Variants in WDR93 observed in about 807,000 individuals in gnomAD.
WDR93 encodes WD repeat-containing protein 93.
In WDR93, 73 loss-of-function variants were observed where a neutral mutation model predicts 82.9. The ratio of observed to expected loss-of-function variants is 0.88; its 90% CI spans 0.73 to 1.07. The LOEUF is 1.07. Among genes scored for constraint, WDR93 ranks in the 50% least tolerant of loss-of-function variants. The pLI is 0.00. For synonymous variants in WDR93, 283 were observed against 300.1 expected (o/e 0.94, Z 0.59); for missense variants, 738 against 826.0 (o/e 0.89, Z 1.31).
intron 8 of WDR93, among the ~76,000 whole-genome samples, 155 bp from the exon 9 acceptor site, chr15:89,727,002 C>T (rs1282387242): frequency 2.6e-5 from 4 of 152,008 alleles, no homozygotes; most frequent in Admixed American, 6.6e-5. Context: ...CAGGAGAGGC[C>T]GGGAGAAGAC....
intron 4 of WDR93, among the ~76,000 whole-genome samples, chr15:89,710,876 C>T (rs1965944899): frequency 6.6e-6 from 1 of 152,058 alleles, no homozygotes; most frequent in South Asian, 2.1e-4. Flanking sequence ...ATATGGGCAA[C>T]CAATTTCAAG....
At position 89,737,646 on chromosome 15, in the gene WDR93, C is replaced by A. The variant is rs761795920; in HGVS notation, c.1682C>A (p.Ala561Asp). ...VAKREIICAF[A>D]PPGAFPLEVP... ...AAGCGTGAAATCATCTGTGCCTTTGCCCCTCCGGGAGCCTTTCCTCTGGAG... is the reference window on the plus strand; with the variant it reads ...AAGCGTGAAATCATCTGTGCCTTTGACCCTCCGGGAGCCTTTCCTCTGGAG... Residue 561 changes from alanine (A) to aspartate (D), a missense_variant, in exon 15 of 17, where the codon GCC becomes GAC. Ala to Asp is a moderately radical substitution (Grantham distance 126). Transcript: ENST00000268130. 6.2e-7 allele frequency: 1 copy of A among 1,614,072 alleles called. No homozygotes were observed. Among genetic ancestry groups the A allele is most frequent in the Admixed American group, 1.7e-5 (1 of 60,004 alleles).
At chr15:89,739,280 T>C (rs1162896886) in intron 16 of WDR93, among the ~76,000 whole-genome samples, 2 of 152,220 alleles carry the variant, frequency 1.3e-5, no homozygotes, top group African/African-American at 4.8e-5. Flanking sequence ...CTATGGCTAC[T>C]GTATGCTATG....
intron 1 of WDR93, among the ~76,000 whole-genome samples, chr15:89,696,350 G>A (rs534987363): frequency 6.6e-6 from 1 of 152,236 alleles, no homozygotes; most frequent in African/African-American, 2.4e-5. Context: ...CTATTATATG[G>A]ATATACCACA....
intron 1 of WDR93, among the ~76,000 whole-genome samples, chr15:89,698,291 T>TGTTA (rs1247817742): frequency 6.6e-6 from 1 of 152,212 alleles, no homozygotes; most frequent in African/African-American, 2.4e-5. Flanking sequence ...TTCTGATTAG[T>TGTTA]GTTAGCATAG....
Position 89,727,241 on chromosome 15 carries a change from AG to A in WDR93, c.967del (p.Asp323ThrfsTer19), listed in dbSNP as rs1233265172. ...GLGSGQNHFI[K>X]DSQWEQQAEI... ...GGCTCCGGGCAGAATCATTTCATCA[AG>A]GACAGTCAGTGGGAGCAGCAAGCTG... On this transcript the variant is annotated frameshift_variant, in exon 9 of 17. Transcript: ENST00000268130. LOFTEE classifies it high-confidence loss of function. The A allele has an allele frequency of 3.1e-6, 5 of 1,614,214 alleles. No homozygotes were observed. The South Asian group carries it at 3.3e-5, about 11-fold the overall frequency.
chr15:89,737,790 A>G, intron 15 of WDR93, 61 bp downstream of exon 15: 1 of 1,599,302 alleles, frequency 6.3e-7, no homozygotes, highest in Non-Finnish European at 8.5e-7. Flanking sequence ...TTCTCTCACA[A>G]ACAGAGAGAG....
chr15:89,740,595 G>A (rs1312069026), intron 16 of WDR93, among the ~76,000 whole-genome samples: 3 of 152,056 alleles, frequency 2.0e-5, no homozygotes, highest in African/African-American at 7.2e-5. Flanking sequence ...TCTGCCTCCC[G>A]GGTTCAAGCG....
In WDR93 at chr15:89,727,252, T is replaced by C. The variant is rs770554669; in HGVS notation, c.976T>C (p.Trp326Arg). Residue 326 changes from tryptophan (W) to arginine (R), a missense_variant, in exon 9 of 17, where the codon TGG becomes CGG. Coordinates refer to ENST00000268130, the MANE Select transcript of WDR93 (RefSeq NM_020212.2). Reference protein sequence around the residue: ...GQNHFIKDSQWEQQAEIFNAS... With the variant: ...GQNHFIKDSQREQQAEIFNAS... The stretch of plus-strand genomic sequence containing the variant: ...GAATCATTTCATCAAGGACAGTCAG[T>C]GGGAGCAGCAAGCTGAGATCTTCAA... 2 of 1,614,068 alleles carry C rather than the reference T, an allele frequency of 1.2e-6. No homozygotes were observed. Among genetic ancestry groups the C allele is most frequent in the East Asian group, 4.5e-5 (2 of 44,872 alleles).
At chr15:89,729,243 T>A in intron 10 of WDR93, 150 bp downstream of exon 10, 1 of 733,576 alleles carries the variant, frequency 1.4e-6, no homozygotes, top group Admixed American at 2.2e-5. Flanking sequence ...AGCCTGTCAG[T>A]TTCTGCTTGC....
upstream of WDR93, chr15:89,690,584 G>A: frequency 6.4e-7 from 1 of 1,551,338 alleles, no homozygotes; most frequent in Non-Finnish European, 8.7e-7. Flanking sequence ...CACCTGAAGA[G>A]TCGGTCCCGG....
intron 4 of WDR93, among the ~76,000 whole-genome samples, chr15:89,709,860 T>TTA (rs1555430883): frequency 2.7e-5 from 4 of 149,348 alleles, no homozygotes; most frequent in Non-Finnish European, 5.9e-5. Context: ...GTATTTGTAA[T>TTA]AAAAAAAAAA....
At chr15:89,703,356 G>T in intron 3 of WDR93, 2 of 580,196 alleles carry the variant, frequency 3.4e-6, no homozygotes, top group South Asian at 2.5e-5. Flanking sequence ...GCAGCCTTAG[G>T]GGGGAAGTAA....
chr15:89,734,430 C>G (rs985941314), intron 13 of WDR93, among the ~76,000 whole-genome samples: 14 of 152,144 alleles, frequency 9.2e-5, no homozygotes, highest in African/African-American at 2.9e-4. Flanking sequence ...ACTAGTACAG[C>G]CTTTCTCACA....
At chr15:89,727,767 T>A (rs1319253285) in intron 9 of WDR93, among the ~76,000 whole-genome samples, 1 of 152,206 alleles carries the variant, frequency 6.6e-6, no homozygotes, top group Non-Finnish European at 1.5e-5. Flanking sequence ...TTTTTCTTTT[T>A]AAATTTTTTT....
At chr15:89,733,368 C>T (rs1966907580) in intron 13 of WDR93, 149 bp downstream of exon 13, 1 of 735,112 alleles carries the variant, frequency 1.4e-6, no homozygotes, top group Non-Finnish European at 2.2e-6. Context: ...TCACCAATGT[C>T]ACATATATGT....
chr15:89,729,603 CCTT>C (rs898061555), intron 10 of WDR93, 77 bp from the exon 11 acceptor site: 17 of 1,079,752 alleles, frequency 1.6e-5, no homozygotes, highest in Admixed American at 1.5e-4. Flanking sequence ...TGGGCAAACA[CCTT>C]CTGTGCAAAC....
chr15:89,735,802 A>G (rs1444641113), intron 14 of WDR93, among the ~76,000 whole-genome samples: 2 of 152,178 alleles, frequency 1.3e-5, no homozygotes, highest in East Asian at 3.9e-4. Flanking sequence ...GGATTTTTTA[A>G]TGGATGCATG....
intron 12 of WDR93, 39 bp from the exon 13 acceptor site, chr15:89,732,966 AC>A: frequency 6.3e-7 from 1 of 1,596,930 alleles, no homozygotes; most frequent in Non-Finnish European, 8.6e-7. Context: ...CTCCTCCCCT[AC>A]CCCGTTTTCT....
Sources: gnomAD v4.1 joint callset for allele counts (sites outside exome capture counted in the v4.1 genomes callset) on GRCh38, gnomAD v4.1.1 for gene constraint, MANE v1.5 for transcripts, NCBI Gene and HGNC (gene_info 2026-07-23, HGNC 2026-07-21) for gene names.